The following RBFOX3 variants were observed in gnomAD, a reference collection of about 807,000 sequenced individuals.
The protein encoded by RBFOX3 is RNA binding protein fox-1 homolog 3.
RBFOX3 carries 17 observed loss-of-function variants against 48.7 expected under a neutral mutation model. The observed-to-expected ratio is 0.35, with a 90% CI of 0.24 to 0.52. The LOEUF (loss-of-function observed/expected upper bound fraction) is 0.52, where lower values mean the gene tolerates loss of function less well. Among genes scored for constraint, RBFOX3 ranks in the 20% least tolerant of loss-of-function variants. The probability of loss-of-function intolerance (pLI) is 0.94; values close to 1 mark genes in which losing one functional copy is unlikely to be tolerated. For missense variants in RBFOX3, 382 were observed against 497.5 expected, an observed-to-expected ratio of 0.77 and a Z score of 2.21; for synonymous variants, 212 against 209.5, an observed-to-expected ratio of 1.01 and a Z score of -0.10.
intron 1 of RBFOX3, among the ~76,000 whole-genome samples, chr17:79,553,046 A>G (rs2091301773): frequency 6.6e-6 from 1 of 152,192 alleles, no homozygotes; most frequent in South Asian, 2.1e-4. Context: ...ACAATATGAA[A>G]TAGTAGTAGC....
chr17:79,511,144 G>A (rs1489173561), intron 1 of RBFOX3, among the ~76,000 whole-genome samples: 1 of 152,156 alleles, frequency 6.6e-6, no homozygotes, highest in Non-Finnish European at 1.5e-5. Flanking sequence ...GCTGGCAGAG[G>A]GCTCACGGGA....
chr17:79,578,860 C>T (rs1179245066), intron 1 of RBFOX3, among the ~76,000 whole-genome samples: 4 of 152,220 alleles, frequency 2.6e-5, no homozygotes, highest in Non-Finnish European at 5.9e-5. Context: ...TTGCCCAGGG[C>T]TGACCTCAGG....
At position 79,297,093 on chromosome 17, in the gene RBFOX3, A is replaced by C. The variant is rs568454323; in HGVS notation, c.-74+10631T>G. On this transcript the variant is annotated intron_variant, in intron 3 of 14. Transcript: ENST00000693108. Reference sequence around the variant, plus strand: ...TTGCTCTGTGTGCGTTCATTTTCTTAAAGTGATGCCCAAGGCCCACTACCT... The same window carrying C: ...TTGCTCTGTGTGCGTTCATTTTCTTCAAGTGATGCCCAAGGCCCACTACCT... 1.1e-4 allele frequency among the ~76,000 whole-genome samples: 17 copies of C among 151,630 alleles called. No homozygotes were observed. In the East Asian group the frequency reaches 3.1e-3, roughly 28 times the overall value.
chr17:79,503,113 G>A (rs2082596432), intron 1 of RBFOX3, among the ~76,000 whole-genome samples: 1 of 152,202 alleles, frequency 6.6e-6, no homozygotes, highest in African/African-American at 2.4e-5. Flanking sequence ...AGAGAGGGGA[G>A]AGAACAGGCT....
intron 2 of RBFOX3, among the ~76,000 whole-genome samples, chr17:79,416,557 G>A (rs1045607576): frequency 1.3e-5 from 2 of 152,248 alleles, no homozygotes; most frequent in Admixed American, 1.3e-4. Flanking sequence ...ACCAGAGAGA[G>A]CGAAGACACT....
intron 2 of RBFOX3, among the ~76,000 whole-genome samples, chr17:79,376,792 C>T (rs1442841911): frequency 6.6e-6 from 1 of 152,148 alleles, no homozygotes; most frequent in Non-Finnish European, 1.5e-5. Flanking sequence ...CACCTGTTCG[C>T]TTTTCTGTCT....
intron 6 of RBFOX3, among the ~76,000 whole-genome samples, chr17:79,104,856 C>A (rs2077073870): frequency 6.6e-6 from 1 of 151,842 alleles, no homozygotes; most frequent in South Asian, 2.1e-4. Context: ...ATAGGAGGGT[C>A]TTCCGCCCAG....
At chr17:79,594,815 T>C (rs1253476152) in intron 1 of RBFOX3, among the ~76,000 whole-genome samples, 1 of 152,030 alleles carries the variant, frequency 6.6e-6, no homozygotes, top group Admixed American at 6.6e-5. Flanking sequence ...CCCCTGAACA[T>C]ACAAGGAAGC....
chr17:79,355,228 C>T (rs532564993), intron 2 of RBFOX3, among the ~76,000 whole-genome samples: 11 of 152,312 alleles, frequency 7.2e-5, no homozygotes, highest in African/African-American at 2.6e-4. Context: ...GAAGAAAGTT[C>T]TTCCGAGGAA....
chr17:79,486,348 G>A (rs1031793329), intron 1 of RBFOX3, among the ~76,000 whole-genome samples: 2 of 152,118 alleles, frequency 1.3e-5, no homozygotes, highest in African/African-American at 2.4e-5. Flanking sequence ...CTCATTCTCC[G>A]ACCTGTATTT....
chr17:79,435,308 C>T (rs1165871504), intron 2 of RBFOX3, among the ~76,000 whole-genome samples: 1 of 152,104 alleles, frequency 6.6e-6, no homozygotes, highest in South Asian at 2.1e-4. Context: ...CCAGGTCTGC[C>T]ATGGAATAAA....
intron 2 of RBFOX3, among the ~76,000 whole-genome samples, chr17:79,437,452 G>A (rs938343410): frequency 2.1e-4 from 32 of 152,324 alleles, no homozygotes; most frequent in African/African-American, 6.0e-4. Flanking sequence ...GCCTGTCACC[G>A]TCACTGCCAC....
chr17:79,295,492 C>T (rs1771171320), intron 3 of RBFOX3, among the ~76,000 whole-genome samples: 1 of 152,222 alleles, frequency 6.6e-6, no homozygotes, highest in Admixed American at 6.5e-5. Flanking sequence ...CAGCAAGCGC[C>T]TTCCAGCTCA....
chr17:79,335,814 A>G (rs2081103173), intron 2 of RBFOX3, among the ~76,000 whole-genome samples: 1 of 152,082 alleles, frequency 6.6e-6, no homozygotes, highest in Non-Finnish European at 1.5e-5. Context: ...CTGGCACCGC[A>G]CACTCAGGCA....
At chr17:79,620,209 G>GCA in the RBFOX3 span, among the ~76,000 whole-genome samples, 2 of 132,892 alleles carry the variant, frequency 1.5e-5, no homozygotes, top group African/African-American at 5.9e-5. Flanking sequence ...ACGTGCACAT[G>GCA]CACACACAGG....
At chr17:79,215,332 GT>G (rs1199235962) in intron 4 of RBFOX3, among the ~76,000 whole-genome samples, 1 of 152,236 alleles carries the variant, frequency 6.6e-6, no homozygotes, top group Non-Finnish European at 1.5e-5. Context: ...AGTCACACTG[GT>G]TTCCAGACCT....
chr17:79,357,751 C>T lies in RBFOX3; in HGVS notation c.-174-49927G>A, dbSNP rs147910231. ...TAGGGGGGTGGTGAAGAATGAAGTG[C>T]GTTTGTTGAATTTGTAAAAAGACAG... On this transcript the variant is annotated intron_variant, in intron 2 of 14. Coordinates refer to ENST00000693108, the MANE Select transcript of RBFOX3 (RefSeq NM_001350451.2). 2.5e-3 allele frequency among the ~76,000 whole-genome samples: 378 copies of T among 151,012 alleles called. 1 individual carries two copies. Among genetic ancestry groups the T allele is most frequent in the East Asian group, 5.1e-3 (26 of 5,140 alleles).
chr17:79,512,441 A>C (rs1484667719), intron 1 of RBFOX3, among the ~76,000 whole-genome samples: 1 of 102,530 alleles, frequency 9.8e-6, no homozygotes, highest in African/African-American at 3.8e-5. Context: ...GTTACCATCG[A>C]GTACAGTCCT....
rs551789249 is a variant in RBFOX3, at chr17:79,292,609, C to T, written c.-74+15115G>A. On this transcript the variant is annotated intron_variant, in intron 3 of 14. Transcript: ENST00000693108. ...GCACACACACACACACGCACACACA[C>T]ACACACATACATGCAGACCCAGTGC... Among the ~76,000 whole-genome samples, 264 of 70,824 alleles carry T rather than the reference C, an allele frequency of 3.7e-3. 1 individual carries two copies. The highest frequency in any genetic ancestry group is 0.021 in the South Asian group (48 of 2,252). 46.5% of individuals were successfully genotyped at this position (70,824 alleles called of 152,430 possible). A position where few individuals can be genotyped will look rare whatever the true frequency, so the allele number is the denominator to read the frequency against.
Sources: allele counts gnomAD v4.1 joint callset (sites outside exome capture counted in the v4.1 genomes callset), GRCh38; gene constraint gnomAD v4.1.1; transcripts MANE v1.5; gene names NCBI Gene and HGNC (gene_info 2026-07-23, HGNC 2026-07-21).